The following TLE4 variants were observed in gnomAD, a reference collection of about 807,000 sequenced individuals.
TLE4 encodes the protein TLE family member 4, transcriptional corepressor, also known as transducin-like enhancer protein 4.
TLE4 carries 8 observed loss-of-function variants against 92.8 expected under a neutral mutation model. The observed-to-expected ratio is 0.09, with a 90% confidence interval of 0.05 to 0.16. The LOEUF is 0.16. Among genes scored for constraint, TLE4 ranks in the 10% least tolerant of loss-of-function variants. TLE4 has a pLI of 1.00. For synonymous variants in TLE4, 371 were observed against 374.1 expected (o/e 0.99, Z 0.10); for missense variants, 675 against 997.6 (o/e 0.68, Z 4.36).
intron 4 of TLE4, among the ~76,000 whole-genome samples, chr9:79,594,629 A>G (rs953302531): frequency 1.1e-4 from 17 of 151,970 alleles, no homozygotes; most frequent in African/African-American, 3.4e-4. Context: ...GTGGGTTGTT[A>G]TATTTGCTGT....
intron 15 of TLE4, among the ~76,000 whole-genome samples, chr9:79,719,184 G>C (rs1034530759): frequency 5.9e-5 from 9 of 152,110 alleles, no homozygotes; most frequent in Admixed American, 3.9e-4. Context: ...GCACCATACT[G>C]ATTTCATTAA....
At chr9:79,651,965 A>G (rs2059076828) in intron 6 of TLE4, among the ~76,000 whole-genome samples, 1 of 152,198 alleles carries the variant, frequency 6.6e-6, no homozygotes, top group African/African-American at 2.4e-5. Context: ...GAGATAAAAA[A>G]AGCCTTTTAT....
At chr9:79,707,239 G>C in intron 11 of TLE4, 1 of 1,596,100 alleles carries the variant, frequency 6.3e-7, no homozygotes, top group Non-Finnish European at 8.6e-7. Flanking sequence ...TTTGGGGCTT[G>C]AATGTGATTT....
chr9:79,704,975 A>G (rs2071106342), intron 9 of TLE4, 73 bp downstream of exon 9: 1 of 1,586,624 alleles, frequency 6.3e-7, no homozygotes. Context: ...CCCTTTGACT[A>G]TTACCAGCCA....
chr9:79,685,652 A>G (rs899742974), intron 8 of TLE4, among the ~76,000 whole-genome samples: 27 of 152,262 alleles, frequency 1.8e-4, no homozygotes, highest in Admixed American at 2.6e-4. Flanking sequence ...TATTATCACA[A>G]GATAGTCATC....
chr9:79,708,519 G>C, intron 12 of TLE4, 74 bp from the exon 13 acceptor site: 1 of 1,377,834 alleles, frequency 7.3e-7, no homozygotes, highest in South Asian at 1.3e-5. Context: ...ATTCTATTTT[G>C]TGACATGTTT....
chr9:79,606,759 C>G (rs1274057500), intron 4 of TLE4, among the ~76,000 whole-genome samples: 1 of 152,156 alleles, frequency 6.6e-6, no homozygotes, highest in Non-Finnish European at 1.5e-5. Context: ...ACCACATTTT[C>G]TTAATCCAGT....
Position 79,708,098 on chromosome 9 carries a change from A to G in TLE4, c.937-20A>G. 1 of 1,612,400 alleles carries G rather than the reference A, an allele frequency of 6.2e-7. No homozygotes were observed. Among genetic ancestry groups the G allele is most frequent in the Non-Finnish European group, 8.5e-7 (1 of 1,178,794 alleles). On this transcript the variant is annotated intron_variant, in intron 11 of 19. Transcript: ENST00000376552. ...AAAACCATGTTCTAATTGCTGGTAT[A>G]TGTCATTTCATCTTGTTAGAATGAA...
intron 8 of TLE4, among the ~76,000 whole-genome samples, chr9:79,660,568 A>G (rs1314792288): frequency 6.6e-6 from 1 of 152,260 alleles, no homozygotes; most frequent in Non-Finnish European, 1.5e-5. Flanking sequence ...TTTGTTTACA[A>G]GACTTTTAGG....
At chr9:79,574,829 TA>T in intron 2 of TLE4, 43 bp from the exon 3 acceptor site, 1 of 1,526,418 alleles carries the variant, frequency 6.6e-7, no homozygotes, top group Non-Finnish European at 9.1e-7. Flanking sequence ...TTGAAGGATG[TA>T]AGTTAAGATC....
At chr9:79,635,219 CAATT>C (rs754878301) in intron 6 of TLE4, among the ~76,000 whole-genome samples, 37 of 152,194 alleles carry the variant, frequency 2.4e-4, no homozygotes, top group African/African-American at 7.2e-4. Context: ...ATTTTCATAA[CAATT>C]AATGATGTTA....
At chr9:79,716,028 C>T (rs1313301673) in intron 14 of TLE4, among the ~76,000 whole-genome samples, 3 of 152,052 alleles carry the variant, frequency 2.0e-5, no homozygotes, top group East Asian at 1.9e-4. Flanking sequence ...AGTTGTCTTT[C>T]GTTTTGCCAC....
At chr9:79,666,480 C>A (rs766148405) in intron 8 of TLE4, among the ~76,000 whole-genome samples, 2 of 152,092 alleles carry the variant, frequency 1.3e-5, no homozygotes, top group Non-Finnish European at 1.5e-5. Flanking sequence ...CTCAGGCGAT[C>A]CACCCACCTC....
rs149145924 is a variant in TLE4, at chr9:79,645,509, C to A, written c.391-7084C>A. Among the ~76,000 whole-genome samples, 5 of 152,256 alleles carry A rather than the reference C, an allele frequency of 3.3e-5. No individual in the cohort carries two copies. In the East Asian group the frequency reaches 9.7e-4, roughly 29 times the overall value. ...TCAAGCAGTTGGGGACCTTTGATTA[C>A]AAAGAACTCCTCTTTTTGCTGACAG... On this transcript the variant is annotated intron_variant, in intron 6 of 19. Transcript: ENST00000376552.
At chr9:79,597,194 C>T (rs1326172540) in intron 4 of TLE4, among the ~76,000 whole-genome samples, 5 of 152,126 alleles carry the variant, frequency 3.3e-5, no homozygotes, top group Non-Finnish European at 7.4e-5. Context: ...CCACGGTCAC[C>T]ATCACTGACC....
At chr9:79,611,529 G>C (rs1386952206) in intron 4 of TLE4, among the ~76,000 whole-genome samples, 1 of 152,022 alleles carries the variant, frequency 6.6e-6, no homozygotes, top group Non-Finnish European at 1.5e-5. Flanking sequence ...TTCTGGTAAT[G>C]ACTTGGCAAG....
intron 6 of TLE4, chr9:79,649,845 C>T: frequency 7.3e-7 from 1 of 1,365,748 alleles, no homozygotes; most frequent in Non-Finnish European, 9.8e-7. Context: ...AGTGACACAC[C>T]TGGATCATTA....
chr9:79,605,800 T>C (rs1043816789), intron 4 of TLE4, among the ~76,000 whole-genome samples: 4 of 152,108 alleles, frequency 2.6e-5, no homozygotes, highest in Non-Finnish European at 2.9e-5. Flanking sequence ...AGCCGCACAT[T>C]GGGTACTTTA....
chr9:79,585,123 AT>A (rs1323094123), intron 4 of TLE4, among the ~76,000 whole-genome samples: 6 of 152,062 alleles, frequency 3.9e-5, no homozygotes, highest in Non-Finnish European at 8.8e-5. Context: ...AAATGTCTTA[AT>A]TTTTTTTATT....
Sources: gnomAD v4.1 joint callset for allele counts (sites outside exome capture counted in the v4.1 genomes callset) on GRCh38, gnomAD v4.1.1 for gene constraint, MANE v1.5 for transcripts, NCBI Gene and HGNC (gene_info 2026-07-23, HGNC 2026-07-21) for gene names.